Variants in PITPNB observed in about 807,000 individuals in gnomAD.
PITPNB encodes the protein phosphatidylinositol transfer protein beta isoform.
In PITPNB, 16 loss-of-function variants were observed where a neutral mutation model predicts 45.9. The ratio of observed to expected loss-of-function variants is 0.35; its 90% CI spans 0.24 to 0.53. PITPNB has a LOEUF of 0.53. Ranked by LOEUF, PITPNB falls within the 20% of genes least tolerant of loss-of-function variation. PITPNB has a pLI of 0.93. For missense variants in PITPNB, 188 were observed against 330.5 expected (o/e 0.57, Z 3.34); for synonymous variants, 112 against 108.9 (o/e 1.03, Z -0.18).
intron 1 of PITPNB, among the ~76,000 whole-genome samples, chr22:27,916,661 G>C (rs970477041): frequency 4.6e-5 from 7 of 152,120 alleles, no homozygotes; most frequent in Non-Finnish European, 8.8e-5. Flanking sequence ...AATTTAGCCG[G>C]TCATGGTGGC....
rs1056909293 is a variant in PITPNB at position 27,900,925 on chromosome 22, G to A, written c.198-3033C>T. Reference sequence around the variant, plus strand: ...CTTTAGTAAAATGTAGCAGATTCCTGTTTTGGAAGCTTAGAGAGCCTCAGA... The same window carrying A: ...CTTTAGTAAAATGTAGCAGATTCCTATTTTGGAAGCTTAGAGAGCCTCAGA... On this transcript the variant is annotated intron_variant, in intron 3 of 11. Coordinates refer to ENST00000335272, the MANE Select transcript of PITPNB (RefSeq NM_012399.5). Among the ~76,000 whole-genome samples, 3 of 152,150 alleles carry A rather than the reference G, an allele frequency of 2.0e-5. No homozygotes were observed. In the East Asian group the frequency reaches 5.8e-4, roughly 29 times the overall value.
intron 7 of PITPNB, among the ~76,000 whole-genome samples, chr22:27,885,956 G>A (rs1197819975): frequency 2.6e-5 from 4 of 152,126 alleles, no homozygotes; most frequent in East Asian, 3.9e-4. Context: ...AATCCTGACC[G>A]CCAAGAGGCA....
At chr22:27,906,993 AC>A (rs1338778888) in intron 3 of PITPNB, among the ~76,000 whole-genome samples, 2 of 152,180 alleles carry the variant, frequency 1.3e-5, no homozygotes, top group Admixed American at 1.3e-4. Flanking sequence ...CTTGAGTTAT[AC>A]TGGCTAAAGT....
chr22:27,903,235 C>T (rs1365618247), intron 3 of PITPNB, among the ~76,000 whole-genome samples: 5 of 151,640 alleles, frequency 3.3e-5, no homozygotes, highest in African/African-American at 7.3e-5. Flanking sequence ...TTTAGGAGGC[C>T]GAGGAGGGTA....
Position 27,854,867 on chromosome 22 carries a change from G to A in PITPNB, c.*25C>T. On this transcript the variant is annotated 3_prime_UTR_variant, in exon 11 of 12. Coordinates refer to ENST00000335272, the MANE Select transcript of PITPNB (RefSeq NM_012399.5). ...GTCTTCACTTACACAGTTTGACATTGTCTCTGACCCTACAGGGGACTCATC... is the reference window on the plus strand; with the variant it reads ...GTCTTCACTTACACAGTTTGACATTATCTCTGACCCTACAGGGGACTCATC... 6.2e-7 allele frequency: 1 copy of A among 1,609,624 alleles called. No individual in the cohort carries two copies. The highest frequency in any genetic ancestry group is 1.3e-5 in the African/African-American group (1 of 74,952).
chr22:27,875,207 C>T (rs978653537), intron 7 of PITPNB, among the ~76,000 whole-genome samples: 1 of 152,324 alleles, frequency 6.6e-6, no homozygotes, highest in South Asian at 2.1e-4. Flanking sequence ...AGGTTGTCTA[C>T]AAAAAGGACC....
At chr22:27,910,823 G>A (rs1186822833) in intron 3 of PITPNB, 141 bp downstream of exon 3, 6 of 614,328 alleles carry the variant, frequency 9.8e-6, no homozygotes, top group South Asian at 7.3e-5. Context: ...AAAGGAGGAG[G>A]TTCTGCCAAA....
chr22:27,910,884 T>C (rs1935900421), intron 3 of PITPNB, 80 bp downstream of exon 3: 4 of 929,004 alleles, frequency 4.3e-6, no homozygotes, highest in Non-Finnish European at 5.2e-6. Context: ...GTACTTCACA[T>C]CTACTAGTTA....
chr22:27,872,815 C>G (rs1307615567), intron 8 of PITPNB, among the ~76,000 whole-genome samples: 1 of 152,220 alleles, frequency 6.6e-6, no homozygotes, highest in African/African-American at 2.4e-5. Flanking sequence ...GTCAAATTAG[C>G]TGTAGTAACT....
rs1237363386 is a variant in PITPNB, at chr22:27,912,534, A to G, written c.52-1425T>C. 2.0e-5 allele frequency among the ~76,000 whole-genome samples: 3 copies of G among 152,156 alleles called. No individual in the cohort carries two copies. In the East Asian group the frequency reaches 5.8e-4, roughly 29 times the overall value. ...TAAATTTCATTTTGGTCAGGAACAC[A>G]CAATAACAATATTCAAATGAACTGT... is the stretch of plus-strand genomic sequence containing the variant. On this transcript the variant is annotated intron_variant, in intron 2 of 11. Coordinates refer to ENST00000335272, the MANE Select transcript of PITPNB (RefSeq NM_012399.5).
Position 27,858,514 on chromosome 22 carries a change from T to TAAA in PITPNB, c.646-8_646-6dup. 1 of 1,606,000 alleles carries TAAA rather than the reference T, an allele frequency of 6.2e-7. No individual in the cohort carries two copies. On this transcript the variant is annotated splice_region_variant and splice_polypyrimidine_tract_variant and intron_variant, in intron 9 of 11. Coordinates refer to ENST00000335272, the MANE Select transcript of PITPNB (RefSeq NM_012399.5). The stretch of plus-strand genomic sequence containing the variant: ...TGTAAATATCCGTTTTTCTTGCTTT[T>TAAA]AAAACAACAACAAAAAAGTAGCATA...
Position 27,858,522 on chromosome 22 carries a change from C to G in PITPNB, c.646-13G>C. 1.9e-6 allele frequency: 3 copies of G among 1,600,694 alleles called. No homozygotes were observed. The highest frequency in any genetic ancestry group is 2.6e-6 in the Non-Finnish European group (3 of 1,175,016). On this transcript the variant is annotated splice_polypyrimidine_tract_variant and intron_variant, in intron 9 of 11. Coordinates refer to ENST00000335272, the MANE Select transcript of PITPNB (RefSeq NM_012399.5). The stretch of plus-strand genomic sequence containing the variant: ...TCCGTTTTTCTTGCTTTTAAAACAA[C>G]AACAAAAAAGTAGCATAAGATGACA...
At chr22:27,864,340 G>C (rs893753631) in intron 8 of PITPNB, among the ~76,000 whole-genome samples, 32 of 152,182 alleles carry the variant, frequency 2.1e-4, no homozygotes, top group African/African-American at 7.7e-4. Context: ...TAGTGAAAAT[G>C]TCTGAATGTC....
Position 27,858,521 on chromosome 22 carries a change from A to G in PITPNB, c.646-12T>C. 6.2e-7 allele frequency: 1 copy of G among 1,604,260 alleles called. No individual in the cohort carries two copies. Among genetic ancestry groups the G allele is most frequent in the Non-Finnish European group, 8.5e-7 (1 of 1,176,230 alleles). Reference sequence around the variant, plus strand: ...ATCCGTTTTTCTTGCTTTTAAAACAACAACAAAAAAGTAGCATAAGATGAC... The same window carrying G: ...ATCCGTTTTTCTTGCTTTTAAAACAGCAACAAAAAAGTAGCATAAGATGAC... On this transcript the variant is annotated splice_polypyrimidine_tract_variant and intron_variant, in intron 9 of 11. Transcript: ENST00000335272.
intron 1 of PITPNB, 61 bp downstream of exon 1, chr22:27,919,111 A>C (rs780983908): frequency 6.2e-7 from 1 of 1,613,364 alleles, no homozygotes; most frequent in South Asian, 1.1e-5. Flanking sequence ...CCACTTCTCC[A>C]TCAACAAATC....
chr22:27,858,333 TAC>T (rs1485789944), intron 10 of PITPNB, 52 bp downstream of exon 10: 35 of 1,404,048 alleles, frequency 2.5e-5, no homozygotes, highest in Non-Finnish European at 3.4e-5. Context: ...CAAGCATGTA[TAC>T]AGTTTTAGAA....
At chr22:27,885,698 A>G (rs1935104861) in intron 7 of PITPNB, among the ~76,000 whole-genome samples, 1 of 152,198 alleles carries the variant, frequency 6.6e-6, no homozygotes, top group African/African-American at 2.4e-5. Flanking sequence ...TTTAAGGCAT[A>G]TAATATATAT....
chr22:27,870,884 A>C (rs1256806357), intron 8 of PITPNB, among the ~76,000 whole-genome samples: 1 of 152,364 alleles, frequency 6.6e-6, no homozygotes, highest in East Asian at 1.9e-4. Context: ...TGACTGCACT[A>C]GTTATTTCTG....
At position 27,919,180 on chromosome 22, in the gene PITPNB, G is replaced by A; in HGVS notation, c.12C>T (p.Ile4=). The change falls in exon 1 of 12, where the codon ATC becomes ATT. Residue 4 remains isoleucine, a synonymous_variant. Coordinates refer to ENST00000335272, the MANE Select transcript of PITPNB (RefSeq NM_012399.5). MVL[I]KEFRVVLPCS... Reference sequence around the variant, plus strand: ...CCCACAGACCCACTCACAATTCCTTGATCAGCACCATCTTCCCGGAACCCC... The same window carrying A: ...CCCACAGACCCACTCACAATTCCTTAATCAGCACCATCTTCCCGGAACCCC... The A allele has an allele frequency of 6.2e-7, 1 of 1,613,886 alleles. No individual in the cohort carries two copies. The highest frequency in any genetic ancestry group is 1.7e-4 in the Middle Eastern group (1 of 6,060).
Sources: gnomAD v4.1 joint callset for allele counts (sites outside exome capture counted in the v4.1 genomes callset) on GRCh38, gnomAD v4.1.1 for gene constraint, MANE v1.5 for transcripts, NCBI Gene and HGNC (gene_info 2026-07-23, HGNC 2026-07-21) for gene names.